OPCML: variants seen among roughly 807,000 people sequenced by gnomAD.
OPCML encodes the protein opioid-binding protein/cell adhesion molecule.
OPCML carries 13 observed loss-of-function variants against 37.8 expected under a neutral mutation model. The ratio of observed to expected loss-of-function variants is 0.34; its 90% CI spans 0.22 to 0.55. The LOEUF (loss-of-function observed/expected upper bound fraction) is 0.55, where lower values mean the gene tolerates loss of function less well. Among genes scored for constraint, OPCML ranks in the 20% least tolerant of loss-of-function variants. OPCML has a pLI of 0.91. For synonymous variants in OPCML, 176 were observed against 168.8 expected (o/e 1.04, Z -0.33); for missense variants, 341 against 435.6 (o/e 0.78, Z 1.93).
At chr11:132,680,184 C>T (rs973654332) in intron 2 of OPCML, among the ~76,000 whole-genome samples, 6 of 152,222 alleles carry the variant, frequency 3.9e-5, no homozygotes, top group Admixed American at 2.6e-4. Flanking sequence ...AATGCACCTG[C>T]CCCTCACCCA....
At chr11:133,327,952 A>C (rs1769591205) in intron 1 of OPCML, among the ~76,000 whole-genome samples, 1 of 152,168 alleles carries the variant, frequency 6.6e-6, no homozygotes, top group Admixed American at 6.5e-5. Context: ...AAAGCTGCAG[A>C]GAACACTATA....
chr11:133,008,586 C>T (rs1472613527), intron 1 of OPCML: 6 of 281,434 alleles, frequency 2.1e-5, no homozygotes, highest in Non-Finnish European at 3.2e-5. Context: ...CTGCCTCATT[C>T]GAGGTCACTC....
At chr11:133,306,551 G>A (rs548757229) in intron 1 of OPCML, among the ~76,000 whole-genome samples, 1 of 151,926 alleles carries the variant, frequency 6.6e-6, no homozygotes, top group Non-Finnish European at 1.5e-5. Context: ...CAGTATATAT[G>A]TGTGAGATGT....
intron 4 of OPCML, among the ~76,000 whole-genome samples, chr11:132,472,583 C>G (rs1334374023): frequency 6.6e-6 from 1 of 152,240 alleles, no homozygotes; most frequent in African/African-American, 2.4e-5. Context: ...GTAAAAGCAG[C>G]AAGGAAGCCA....
intron 1 of OPCML, among the ~76,000 whole-genome samples, chr11:133,514,854 G>T (rs984142390): frequency 6.6e-6 from 1 of 152,180 alleles, no homozygotes; most frequent in Non-Finnish European, 1.5e-5. Flanking sequence ...TAAGAAAGTT[G>T]CTGGAACCAT....
chr11:133,158,712 A>AAAAT (rs1555105908), intron 1 of OPCML, among the ~76,000 whole-genome samples: 2 of 134,204 alleles, frequency 1.5e-5, no homozygotes, highest in African/African-American at 5.9e-5. Context: ...ATAAAATTAA[A>AAAAT]AAAATAAAAT....
intron 1 of OPCML, among the ~76,000 whole-genome samples, chr11:133,140,764 G>A (rs1949774018): frequency 1.7e-4 from 2 of 12,002 alleles, no homozygotes; most frequent in African/African-American, 3.4e-4. Flanking sequence ...AGAAGACGAC[G>A]AAGAAGAAGA....
chr11:132,833,829 G>A (rs537779095), intron 2 of OPCML, among the ~76,000 whole-genome samples: 43 of 152,316 alleles, frequency 2.8e-4, no homozygotes, highest in African/African-American at 1.0e-3. Context: ...ACGCAGCACT[G>A]TATTTAAAGG....
chr11:133,026,138 A>G, intron 1 of OPCML: 1 of 958,250 alleles, frequency 1.0e-6, no homozygotes. Context: ...CTATTAGAAA[A>G]CACCACCCAT....
chr11:132,790,499 A>G (rs1284661172), intron 2 of OPCML, among the ~76,000 whole-genome samples: 2 of 152,230 alleles, frequency 1.3e-5, no homozygotes, highest in African/African-American at 4.8e-5. Context: ...TTATGTTTCA[A>G]TTTAAAAAGT....
intron 1 of OPCML, among the ~76,000 whole-genome samples, chr11:133,491,630 C>T (rs532230657): frequency 6.6e-6 from 1 of 152,238 alleles, no homozygotes; most frequent in South Asian, 2.1e-4. Context: ...CCCAGAAAAT[C>T]GCCCAGAGGC....
chr11:133,347,260 A>G (rs1278893718), intron 1 of OPCML, among the ~76,000 whole-genome samples: 3 of 152,160 alleles, frequency 2.0e-5, no homozygotes, highest in Non-Finnish European at 2.9e-5. Flanking sequence ...AGGTGTCTTC[A>G]TGATGACTCT....
intron 4 of OPCML, among the ~76,000 whole-genome samples, chr11:132,497,676 G>C (rs896219342): frequency 1.3e-5 from 2 of 152,074 alleles, no homozygotes; most frequent in Admixed American, 1.3e-4. Context: ...GTAAAGAACA[G>C]AAAAGAGCCC....
At chr11:133,531,310 T>C (rs1591605920) in intron 1 of OPCML, among the ~76,000 whole-genome samples, 1 of 152,190 alleles carries the variant, frequency 6.6e-6, no homozygotes, top group African/African-American at 2.4e-5. Context: ...TTTGGTAGGA[T>C]TGCAGCATCT....
rs551157189 is a variant in OPCML, at chr11:132,515,025, C to T, written c.505+14036G>A. ...AGCAGGAGGAGGTCCTGGAGAGGCC[C>T]AGGATGAAAGCATTTAGACTGCAAT... On this transcript the variant is annotated intron_variant, in intron 4 of 7. Transcript: ENST00000524381. 2.6e-5 allele frequency among the ~76,000 whole-genome samples: 4 copies of T among 152,146 alleles called. No individual in the cohort carries two copies. The East Asian group carries it at 5.8e-4, about 22-fold the overall frequency.
intron 1 of OPCML, among the ~76,000 whole-genome samples, chr11:132,963,132 T>A (rs111227125): frequency 0.025 from 3,760 of 152,172 alleles, 140 homozygotes; most frequent in African/African-American, 0.086. Flanking sequence ...TACTTGAAAA[T>A]CACCGTGTCA....
At chr11:132,816,540 G>A (rs1298120259) in intron 2 of OPCML, among the ~76,000 whole-genome samples, 1 of 152,148 alleles carries the variant, frequency 6.6e-6, no homozygotes, top group Non-Finnish European at 1.5e-5. Flanking sequence ...ACAAAAACAA[G>A]AAGTGGGCAT....
intron 1 of OPCML, among the ~76,000 whole-genome samples, chr11:133,354,194 A>T: frequency 0.5 from 1 of 2 alleles, no homozygotes; most frequent in Non-Finnish European, 0.5. Flanking sequence ...CCATTCACCA[A>T]CCGGTTGATG....
rs892854528 is a variant in OPCML at position 132,710,265 on chromosome 11, T to TA, written c.147-52947dup. On this transcript the variant is annotated intron_variant, in intron 2 of 7. Coordinates refer to ENST00000524381, the MANE Select transcript of OPCML (RefSeq NM_001012393.5). ...GGAAGAATTCAGTTTTTTTCTCAGT[T>TA]AAAAAAAAATCTATGATAGAATATA... 1.6e-4 allele frequency among the ~76,000 whole-genome samples: 25 copies of TA among 151,702 alleles called. 1 individual carries two copies. The highest frequency in any genetic ancestry group is 5.1e-4 in the African/African-American group (21 of 41,412).
Sources: gnomAD v4.1 joint callset for allele counts (sites outside exome capture counted in the v4.1 genomes callset) on GRCh38, gnomAD v4.1.1 for gene constraint, MANE v1.5 for transcripts, NCBI Gene and HGNC (gene_info 2026-07-23, HGNC 2026-07-21) for gene names.